MACC1: variants seen among roughly 807,000 people sequenced by gnomAD.
MACC1 encodes MET transcriptional regulator MACC1.
Under a neutral mutation model 70.7 loss-of-function variants are expected in MACC1, and 79 were observed. The observed-to-expected ratio is 1.12, with a 90% confidence interval of 0.93 to 1.35. The LOEUF is 1.35. Among genes scored for constraint, MACC1 ranks in the 40% most tolerant of loss-of-function variants. The pLI is 0.00. For synonymous variants in MACC1, 361 were observed against 347.2 expected (o/e 1.04, Z -0.44); for missense variants, 1,106 against 978.1 (o/e 1.13, Z -1.74).
chr7:20,154,120 T>G (rs1782020509), intron 6 of MACC1, 73 bp downstream of exon 6: 2 of 1,485,562 alleles, frequency 1.3e-6, no homozygotes, highest in Admixed American at 3.4e-5. Flanking sequence ...GTGAATGTGG[T>G]ATGGGTTTGA....
intron 1 of MACC1, among the ~76,000 whole-genome samples, chr7:20,192,299 G>C (rs530993448): frequency 9.7e-4 from 148 of 152,244 alleles, no homozygotes; most frequent in African/African-American, 3.4e-3. Flanking sequence ...GTTAATGATA[G>C]CCTCTAATTC....
At chr7:20,182,765 A>T (rs918220815) in intron 1 of MACC1, among the ~76,000 whole-genome samples, 1 of 152,192 alleles carries the variant, frequency 6.6e-6, no homozygotes, top group Non-Finnish European at 1.5e-5. Flanking sequence ...CTCCTTTGAC[A>T]CATGGGAGTC....
intron 1 of MACC1, among the ~76,000 whole-genome samples, chr7:20,178,162 T>C (rs930830297): frequency 3.9e-5 from 6 of 152,158 alleles, no homozygotes; most frequent in Admixed American, 3.3e-4. Context: ...ATTTATTTTA[T>C]GTTTCTTACT....
intron 1 of MACC1, among the ~76,000 whole-genome samples, chr7:20,179,994 G>C (rs752253934): frequency 6.6e-6 from 1 of 152,056 alleles, no homozygotes; most frequent in Non-Finnish European, 1.5e-5. Context: ...GCTGTTTATT[G>C]ATATTTTTAG....
chr7:20,187,183 T>C (rs764376319), intron 1 of MACC1, among the ~76,000 whole-genome samples: 1 of 152,186 alleles, frequency 6.6e-6, no homozygotes, highest in Non-Finnish European at 1.5e-5. Context: ...TACTTTTCTA[T>C]ATTTTCTAAT....
intron 1 of MACC1, among the ~76,000 whole-genome samples, chr7:20,199,891 T>C (rs1306698600): frequency 6.6e-6 from 1 of 151,964 alleles, no homozygotes. Flanking sequence ...AATCAGAAAG[T>C]AGTGAGTTAT....
At chr7:20,198,676 A>G (rs1782788570) in intron 1 of MACC1, 1 of 152,212 alleles carries the variant, frequency 6.6e-6, no homozygotes. Context: ...GCTTTCTAAC[A>G]AGGCAAGATT....
chr7:20,203,567 T>C (rs1233643491), intron 1 of MACC1, among the ~76,000 whole-genome samples: 2 of 152,166 alleles, frequency 1.3e-5, no homozygotes, highest in African/African-American at 4.8e-5. Context: ...ACACCAAGCT[T>C]TCCTGGAATG....
intron 5 of MACC1, among the ~76,000 whole-genome samples, chr7:20,157,469 A>C (rs1782070776): frequency 6.6e-6 from 1 of 151,880 alleles, no homozygotes; most frequent in South Asian, 2.1e-4. Flanking sequence ...TAAATTGCTA[A>C]AGGATATTGG....
chr7:20,192,163 T>C (rs1465398614), intron 1 of MACC1, among the ~76,000 whole-genome samples: 1 of 152,216 alleles, frequency 6.6e-6, no homozygotes, highest in Non-Finnish European at 1.5e-5. Flanking sequence ...CTTATTTTCA[T>C]GAAACCATGT....
chr7:20,176,128 A>C (rs932220952), intron 1 of MACC1, among the ~76,000 whole-genome samples: 1 of 152,106 alleles, frequency 6.6e-6, no homozygotes, highest in Non-Finnish European at 1.5e-5. Flanking sequence ...AAGTACAACA[A>C]ATGTTCTCTC....
chr7:20,138,052 C>A lies in MACC1; in HGVS notation c.*2894G>T, dbSNP rs1167599534. 1 of 146,086 alleles carries A rather than the reference C, an allele frequency of 6.8e-6. No homozygotes were observed. The highest frequency in any genetic ancestry group is 2.5e-5 in the African/African-American group (1 of 39,870). 9.0% of individuals were successfully genotyped at this position (146,086 alleles called of 1,614,324 possible). On this transcript the variant is annotated 3_prime_UTR_variant, in exon 7 of 7. Coordinates refer to ENST00000400331, the MANE Select transcript of MACC1 (RefSeq NM_182762.4). ...CCTGTAATCCCAGCTACTTGGGAGGCGGAGGCAGAAGGATCTTTTGAACCC... is the reference window on the plus strand; with the variant it reads ...CCTGTAATCCCAGCTACTTGGGAGGAGGAGGCAGAAGGATCTTTTGAACCC...
Position 20,135,979 on chromosome 7 carries a change from T to A in MACC1, c.*4967A>T, listed in dbSNP as rs555379831. 14 of 152,356 alleles carry A rather than the reference T, an allele frequency of 9.2e-5. No individual in the cohort carries two copies. The highest frequency in any genetic ancestry group is 3.4e-4 in the African/African-American group (14 of 41,584). 9.4% of individuals were successfully genotyped at this position (152,356 alleles called of 1,614,324 possible). A position where few individuals can be genotyped will look rare whatever the true frequency, so the allele number is the denominator to read the frequency against. Reference sequence around the variant, plus strand: ...TTACACATAGAGGACACAATTTTAATGTGGATAATTGGTATTCAAATTATT... The same window carrying A: ...TTACACATAGAGGACACAATTTTAAAGTGGATAATTGGTATTCAAATTATT... On this transcript the variant is annotated 3_prime_UTR_variant, in exon 7 of 7. Coordinates refer to ENST00000400331, the MANE Select transcript of MACC1 (RefSeq NM_182762.4).
At chr7:20,209,050 G>C (rs376536676) in intron 1 of MACC1, among the ~76,000 whole-genome samples, 92 of 152,322 alleles carry the variant, frequency 6.0e-4, no homozygotes, top group African/African-American at 2.2e-3. Context: ...CCTCTGCCTA[G>C]ATTTTAAAGG....
chr7:20,175,629 G>A (rs1432567012), intron 1 of MACC1, among the ~76,000 whole-genome samples: 1 of 152,034 alleles, frequency 6.6e-6, no homozygotes, highest in Non-Finnish European at 1.5e-5. Context: ...TTGTGCCTCT[G>A]GCACTGGTAA....
chr7:20,174,577 A>G (rs1281980262), intron 1 of MACC1, among the ~76,000 whole-genome samples: 1 of 152,156 alleles, frequency 6.6e-6, no homozygotes, highest in African/African-American at 2.4e-5. Context: ...TTTTTAATAA[A>G]GAAAAGTACG....
chr7:20,162,798 C>A (rs1422391440), intron 3 of MACC1, among the ~76,000 whole-genome samples: 1 of 152,078 alleles, frequency 6.6e-6, no homozygotes, highest in Non-Finnish European at 1.5e-5. Flanking sequence ...GATTAAAAAA[C>A]CTAAAAGTGA....
At chr7:20,211,739 C>T (rs896836035) in intron 1 of MACC1, among the ~76,000 whole-genome samples, 3 of 152,164 alleles carry the variant, frequency 2.0e-5, no homozygotes, top group African/African-American at 4.8e-5. Flanking sequence ...CACATGCCCA[C>T]GGTTCAGCAA....
At position 20,160,080 on chromosome 7, in the gene MACC1, G is replaced by A; in HGVS notation, c.281C>T (p.Ser94Phe). 1 of 1,611,030 alleles carries A rather than the reference G, an allele frequency of 6.2e-7. No individual in the cohort carries two copies. Among genetic ancestry groups the A allele is most frequent in the Non-Finnish European group, 8.5e-7 (1 of 1,179,130 alleles). Residue 94 changes from serine (S) to phenylalanine (F), a missense_variant, in exon 5 of 7, where the codon TCC becomes TTC. Coordinates refer to ENST00000400331, the MANE Select transcript of MACC1 (RefSeq NM_182762.4). ...LRNNRKRNNI[S>F]ILKEDPFLFC... ...AAGAAAAGGATCTTCCTTTAAGATG[G>A]AAATATTATTTCTCTTCCTGTTATT...
Sources: gnomAD v4.1 joint callset for allele counts (sites outside exome capture counted in the v4.1 genomes callset) on GRCh38, gnomAD v4.1.1 for gene constraint, MANE v1.5 for transcripts, NCBI Gene and HGNC (gene_info 2026-07-23, HGNC 2026-07-21) for gene names.